The following CPNE8 variants were observed in gnomAD, a reference collection of about 807,000 sequenced individuals.
CPNE8 encodes the protein copine-8.
CPNE8 carries 45 observed loss-of-function variants against 81.5 expected under a neutral mutation model. The ratio of observed to expected loss-of-function variants is 0.55; its 90% CI spans 0.44 to 0.71. The LOEUF (loss-of-function observed/expected upper bound fraction) is 0.71, where lower values mean the gene tolerates loss of function less well. Ranked by LOEUF, CPNE8 falls within the 30% of genes least tolerant of loss-of-function variation. The pLI is 0.00. For synonymous variants in CPNE8, 252 were observed against 226.3 expected, an observed-to-expected ratio of 1.11 and a Z score of -1.02; for missense variants, 594 against 672.1, an observed-to-expected ratio of 0.88 and a Z score of 1.28.
chr12:38,818,977 G>T (rs1292244216), intron 6 of CPNE8, among the ~76,000 whole-genome samples: 1 of 152,124 alleles, frequency 6.6e-6, no homozygotes, highest in Non-Finnish European at 1.5e-5. Context: ...TTTTGATAGG[G>T]TTGTTTGATT....
At chr12:38,676,598 T>C (rs1010092614) in intron 17 of CPNE8, among the ~76,000 whole-genome samples, 11 of 152,226 alleles carry the variant, frequency 7.2e-5, no homozygotes, top group African/African-American at 1.7e-4. Flanking sequence ...GTTAGTACTG[T>C]TATGCACTAA....
At chr12:38,797,863 T>C (rs966937396) in intron 6 of CPNE8, among the ~76,000 whole-genome samples, 6 of 152,270 alleles carry the variant, frequency 3.9e-5, no homozygotes, top group East Asian at 1.9e-4. Context: ...AAGGAGCTGA[T>C]GGAGCTGAAA....
At chr12:38,776,174 A>G in intron 7 of CPNE8, 64 bp downstream of exon 7, 2 of 774,078 alleles carry the variant, frequency 2.6e-6, no homozygotes, top group Non-Finnish European at 4.0e-6. Context: ...TTAGTTAAGT[A>G]CAATTTTAGA....
At chr12:38,892,213 T>G (rs1944323248) in intron 1 of CPNE8, among the ~76,000 whole-genome samples, 1 of 152,154 alleles carries the variant, frequency 6.6e-6, no homozygotes, top group Non-Finnish European at 1.5e-5. Flanking sequence ...CCTAGTCCAC[T>G]TTGGCTGGTG....
chr12:38,880,354 C>T (rs758857422), intron 1 of CPNE8, among the ~76,000 whole-genome samples: 1 of 152,196 alleles, frequency 6.6e-6, no homozygotes, highest in Non-Finnish European at 1.5e-5. Flanking sequence ...CAAGCTTGCA[C>T]ATAAGTGGGG....
chr12:38,783,279 T>TAC (rs1015823399), intron 6 of CPNE8, among the ~76,000 whole-genome samples: 4 of 152,200 alleles, frequency 2.6e-5, no homozygotes, highest in African/African-American at 9.6e-5. Flanking sequence ...CAACTATCTA[T>TAC]ACACACACAC....
At chr12:38,757,691 T>A (rs1941488049) in intron 10 of CPNE8, among the ~76,000 whole-genome samples, 2 of 152,052 alleles carry the variant, frequency 1.3e-5, no homozygotes. Context: ...CACTAAATTT[T>A]CTACATTAAA....
At chr12:38,737,433 T>C (rs1050255504) in intron 10 of CPNE8, among the ~76,000 whole-genome samples, 3 of 152,134 alleles carry the variant, frequency 2.0e-5, no homozygotes, top group African/African-American at 7.2e-5. Context: ...TTTAACTATA[T>C]AGCACAGTAG....
chr12:38,902,533 A>G (rs576459422), intron 1 of CPNE8, among the ~76,000 whole-genome samples: 1 of 152,354 alleles, frequency 6.6e-6, no homozygotes, highest in Non-Finnish European at 1.5e-5. Context: ...AGTCTCTGGT[A>G]TAGTAAGGCA....
intron 15 of CPNE8, among the ~76,000 whole-genome samples, chr12:38,692,958 G>A (rs1378870729): frequency 1.3e-5 from 2 of 152,110 alleles, no homozygotes; most frequent in African/African-American, 4.8e-5. Flanking sequence ...CTCACCCTGG[G>A]AAAGCTGGCT....
chr12:38,733,155 A>G lies in CPNE8; in HGVS notation c.723-2797T>C, dbSNP rs12316541. On this transcript the variant is annotated intron_variant, in intron 10 of 19. Coordinates refer to ENST00000331366, the MANE Select transcript of CPNE8 (RefSeq NM_153634.3). ...TGCATTGTCTCAAGAATATATCTGAAGAATCTGGGTAGATAAGTAGATAGA... is the reference window on the plus strand; with the variant it reads ...TGCATTGTCTCAAGAATATATCTGAGGAATCTGGGTAGATAAGTAGATAGA... Among the ~76,000 whole-genome samples the G allele has an allele frequency of 5.2e-3, 791 of 152,088 alleles. 8 individuals are homozygous for G. The highest frequency in any genetic ancestry group is 0.018 in the African/African-American group (763 of 41,540).
chr12:38,862,117 A>T (rs887108513), intron 3 of CPNE8, among the ~76,000 whole-genome samples: 2 of 152,168 alleles, frequency 1.3e-5, no homozygotes, highest in Admixed American at 1.3e-4. Flanking sequence ...ATCTCTATTC[A>T]ACCTTCAGAT....
chr12:38,780,575 A>C (rs1942029077), intron 6 of CPNE8, among the ~76,000 whole-genome samples: 1 of 152,112 alleles, frequency 6.6e-6, no homozygotes, highest in African/African-American at 2.4e-5. Flanking sequence ...TGAGAGATGA[A>C]GAATATATCT....
chr12:38,895,881 T>C (rs116120394), intron 1 of CPNE8, among the ~76,000 whole-genome samples: 2,329 of 152,178 alleles, frequency 0.015, 52 homozygotes, highest in African/African-American at 0.053. Context: ...GAATTAGACA[T>C]ATATGGATAG....
intron 6 of CPNE8, among the ~76,000 whole-genome samples, chr12:38,816,878 G>A (rs968731952): frequency 6.6e-6 from 1 of 152,100 alleles, no homozygotes; most frequent in Non-Finnish European, 1.5e-5. Context: ...TGTTATCAAA[G>A]AAAACAGTGA....
intron 10 of CPNE8, among the ~76,000 whole-genome samples, chr12:38,755,935 G>A (rs1041440881): frequency 6.6e-6 from 1 of 150,780 alleles, no homozygotes; most frequent in Non-Finnish European, 1.5e-5. Context: ...AGCTACTCGG[G>A]AGGCTGAGGC....
At chr12:38,823,205 T>G (rs1943133210) in intron 6 of CPNE8, among the ~76,000 whole-genome samples, 1 of 152,194 alleles carries the variant, frequency 6.6e-6, no homozygotes, top group Non-Finnish European at 1.5e-5. Context: ...TTCTTCTATT[T>G]TAGTCTTCTT....
At chr12:38,902,697 G>C (rs1027602427) in intron 1 of CPNE8, among the ~76,000 whole-genome samples, 9 of 152,184 alleles carry the variant, frequency 5.9e-5, no homozygotes, top group African/African-American at 1.4e-4. Flanking sequence ...CCCAATGCTG[G>C]TTCTATCCTT....
At chr12:38,819,766 CAAAAA>C (rs71068584) in intron 6 of CPNE8, among the ~76,000 whole-genome samples, 10 of 65,304 alleles carry the variant, frequency 1.5e-4, no homozygotes, top group Admixed American at 2.0e-4. Flanking sequence ...GACTCCGTCT[CAAAAA>C]AAAAAAAAAA....
Sources: allele counts gnomAD v4.1 joint callset (sites outside exome capture counted in the v4.1 genomes callset), GRCh38; gene constraint gnomAD v4.1.1; transcripts MANE v1.5; gene names NCBI Gene and HGNC (gene_info 2026-07-23, HGNC 2026-07-21).